The following PTBP3 variants were observed in gnomAD, a reference collection of about 807,000 sequenced individuals.
The protein encoded by PTBP3 is polypyrimidine tract-binding protein 3.
PTBP3 carries 20 observed loss-of-function variants against 58.7 expected under a neutral mutation model. The observed-to-expected ratio is 0.34, with a 90% confidence interval of 0.24 to 0.50. The LOEUF is 0.50. Ranked by LOEUF, PTBP3 falls within the 20% of genes least tolerant of loss-of-function variation. PTBP3 has a pLI of 0.98. For missense variants in PTBP3, 509 were observed against 637.2 expected (o/e 0.80, Z 2.17); for synonymous variants, 185 against 219.8 (o/e 0.84, Z 1.40).
chr9:112,284,173 C>T (rs1049342790), intron 2 of PTBP3, among the ~76,000 whole-genome samples: 6 of 152,204 alleles, frequency 3.9e-5, no homozygotes, highest in African/African-American at 1.4e-4. Context: ...GAGAAGAGCG[C>T]CACTGTCCTC....
the PTBP3 span, among the ~76,000 whole-genome samples, chr9:112,357,907 G>A: frequency 6.6e-6 from 1 of 152,110 alleles, no homozygotes; most frequent in Admixed American, 6.5e-5. Context: ...GGAGATAGAT[G>A]GGGTGATGGT....
intron 1 of PTBP3, 99 bp downstream of exon 1, chr9:112,333,371 G>A: frequency 7.6e-7 from 1 of 1,310,046 alleles, no homozygotes; most frequent in Non-Finnish European, 9.9e-7. Context: ...GGCCGCCGGC[G>A]CCGCGCACTG....
Position 112,224,199 on chromosome 9 carries a change from G to T in PTBP3, c.1376C>A (p.Thr459Lys), listed in dbSNP as rs746829016. ...GAAAAGGTTCTTCAGATCATCCACT[G>T]TAACAGAAGGGCTGTGAAAACATCA... The part of the protein sequence containing the change: ...LHLSNIPPSV[T>K]VDDLKNLFIE... Residue 459 changes from threonine (T) to lysine (K), a missense_variant, in exon 13 of 14, where the codon ACA (threonine) becomes AAA (lysine). Transcript: ENST00000374257. 2 of 1,546,006 alleles carry T rather than the reference G, an allele frequency of 1.3e-6. No individual in the cohort carries two copies. The highest frequency in any genetic ancestry group is 2.2e-5 in the Admixed American group (1 of 44,622).
chr9:112,284,871 G>C (rs115563745), intron 2 of PTBP3, among the ~76,000 whole-genome samples: 1,659 of 152,182 alleles, frequency 0.011, 32 homozygotes, highest in African/African-American at 0.038. Flanking sequence ...TATCTTCGAA[G>C]TAACTAACTT....
At chr9:112,251,709 C>A (rs1456510132) in intron 6 of PTBP3, among the ~76,000 whole-genome samples, 1 of 152,022 alleles carries the variant, frequency 6.6e-6, no homozygotes, top group African/African-American at 2.4e-5. Flanking sequence ...TAAAAATTTA[C>A]CTAAGGGTAT....
At chr9:112,232,848 C>T (rs1257798867) in intron 8 of PTBP3, among the ~76,000 whole-genome samples, 1 of 152,138 alleles carries the variant, frequency 6.6e-6, no homozygotes, top group African/African-American at 2.4e-5. Context: ...AGCTCAGTAA[C>T]AGCAGAATAC....
chr9:112,335,491 G>C (rs1318861386), upstream of PTBP3, among the ~76,000 whole-genome samples: 1 of 150,596 alleles, frequency 6.6e-6, no homozygotes, highest in Non-Finnish European at 1.5e-5. Flanking sequence ...TCACCATGTT[G>C]GTCAGGCTGG....
chr9:112,378,575 C>T, the PTBP3 span, among the ~76,000 whole-genome samples: 2 of 152,202 alleles, frequency 1.3e-5, no homozygotes, highest in Admixed American at 1.3e-4. Flanking sequence ...TATATACACG[C>T]TTCAGCAAGT....
chr9:112,312,015 T>A (rs1399869348), intron 1 of PTBP3, among the ~76,000 whole-genome samples: 1 of 152,166 alleles, frequency 6.6e-6, no homozygotes, highest in Non-Finnish European at 1.5e-5. Context: ...ACTGAGGACC[T>A]ATTTCAGATT....
chr9:112,289,987 A>T (rs1204279539), intron 2 of PTBP3, among the ~76,000 whole-genome samples: 2 of 152,240 alleles, frequency 1.3e-5, no homozygotes, highest in Admixed American at 1.3e-4. Flanking sequence ...AGAAATGTTA[A>T]CATTAATCAA....
chr9:112,235,383 T>C (rs1291543885), intron 7 of PTBP3, among the ~76,000 whole-genome samples: 1 of 152,186 alleles, frequency 6.6e-6, no homozygotes, highest in Non-Finnish European at 1.5e-5. Context: ...GAGGATTCAC[T>C]GTGACTGGTC....
chr9:112,252,972 C>T lies in PTBP3; in HGVS notation c.517-184G>A, dbSNP rs371582076. 3.3e-5 allele frequency among the ~76,000 whole-genome samples: 5 copies of T among 152,144 alleles called. No individual in the cohort carries two copies. The East Asian group carries it at 7.7e-4, about 24-fold the overall frequency. On this transcript the variant is annotated intron_variant, in intron 5 of 13. Transcript: ENST00000374257. ...CCCATGACTATCTTACAACAACGCC[C>T]GGTACACAACAGGCACTTAAATAAC...
chr9:112,317,262 AAG>A (rs1359098150), intron 1 of PTBP3, among the ~76,000 whole-genome samples: 12 of 151,258 alleles, frequency 7.9e-5, no homozygotes, highest in Admixed American at 2.6e-4. Flanking sequence ...AAAGAAAAAA[AAG>A]AAAAAAAATT....
chr9:112,285,162 G>A (rs1440495983), intron 2 of PTBP3, among the ~76,000 whole-genome samples: 1 of 152,176 alleles, frequency 6.6e-6, no homozygotes, highest in African/African-American at 2.4e-5. Context: ...GATGGATTAT[G>A]GGGGTGGTTC....
intron 2 of PTBP3, among the ~76,000 whole-genome samples, chr9:112,287,221 A>G (rs1042547257): frequency 6.7e-6 from 1 of 149,692 alleles, no homozygotes; most frequent in African/African-American, 2.5e-5. Context: ...CTTGAGATGT[A>G]TTTCTGCTCC....
At chr9:112,331,846 T>C (rs1024785576) in intron 1 of PTBP3, among the ~76,000 whole-genome samples, 3 of 152,188 alleles carry the variant, frequency 2.0e-5, no homozygotes, top group Non-Finnish European at 4.4e-5. Flanking sequence ...TATCCTACAG[T>C]TTAACAGCAA....
rs752043634 is a variant in PTBP3, at chr9:112,275,882, T to C, written c.166A>G (p.Lys56Glu). The C allele has an allele frequency of 6.2e-7, 1 of 1,613,782 alleles. No homozygotes were observed. Among genetic ancestry groups the C allele is most frequent in the Non-Finnish European group, 8.5e-7 (1 of 1,179,812 alleles). Reference sequence around the variant, plus strand: ...TTCAACATCAAAAGATTAGTTACTTTGCCAAATGGTAGACCTAATGATATG... The same window carrying C: ...TTCAACATCAAAAGATTAGTTACTTCGCCAAATGGTAGACCTAATGATATG... ...EIISLGLPFG[K>E]VTNLLMLKGK... Residue 56 changes from lysine (K) to glutamate (E), a missense_variant, in exon 3 of 14, where the codon AAA becomes GAA. Physicochemically the swap from Lys to Glu is moderately conservative, Grantham distance 56. Coordinates refer to ENST00000374257, the MANE Select transcript of PTBP3 (RefSeq NM_001163788.4).
At chr9:112,281,743 T>C (rs1284374386) in intron 2 of PTBP3, among the ~76,000 whole-genome samples, 10 of 152,224 alleles carry the variant, frequency 6.6e-5, no homozygotes, top group Admixed American at 6.5e-4. Flanking sequence ...GAGTTTTCTA[T>C]TGCTTTTGTA....
At chr9:112,318,782 T>C (rs1429951838) in intron 1 of PTBP3, among the ~76,000 whole-genome samples, 4 of 151,164 alleles carry the variant, frequency 2.6e-5, no homozygotes, top group Non-Finnish European at 4.4e-5. Flanking sequence ...AATTGAGATA[T>C]TGTTTCATAA....
Sources: allele counts gnomAD v4.1 joint callset (sites outside exome capture counted in the v4.1 genomes callset), GRCh38; gene constraint gnomAD v4.1.1; transcripts MANE v1.5; gene names NCBI Gene and HGNC (gene_info 2026-07-23, HGNC 2026-07-21).